CNTN1: variants seen among roughly 807,000 people sequenced by gnomAD.
CNTN1 encodes the protein contactin-1.
A neutral mutation model predicts 126.4 loss-of-function variants in CNTN1; 38 were observed. The ratio of observed to expected loss-of-function variants is 0.30; its 90% CI spans 0.23 to 0.39. The LOEUF (loss-of-function observed/expected upper bound fraction) is 0.39. Among genes scored for constraint, CNTN1 ranks in the 10% least tolerant of loss-of-function variants. The pLI, the probability that CNTN1 is intolerant of heterozygous loss-of-function variation, is 1.00. For synonymous variants in CNTN1, 413 were observed against 422.6 expected, an observed-to-expected ratio of 0.98 and a Z score of 0.28; for missense variants, 1,009 against 1,248.4, an observed-to-expected ratio of 0.81 and a Z score of 2.89.
chr12:40,978,624 T>A (rs1947744086), intron 15 of CNTN1: 1 of 152,156 alleles, frequency 6.6e-6, no homozygotes, highest in Admixed American at 6.6e-5. Flanking sequence ...ATTATAGTGT[T>A]TTGCTCAACA....
At chr12:40,737,649 C>T (rs868522513) in intron 1 of CNTN1, among the ~76,000 whole-genome samples, 44 of 151,958 alleles carry the variant, frequency 2.9e-4, no homozygotes, top group African/African-American at 1.0e-3. Context: ...CTTCCCCAGT[C>T]CACTGACTCA....
At chr12:40,870,763 C>A (rs555141903) in intron 1 of CNTN1, among the ~76,000 whole-genome samples, 1 of 152,116 alleles carries the variant, frequency 6.6e-6, no homozygotes, top group South Asian at 2.1e-4. Context: ...CACACACATA[C>A]CAACCCAAAC....
rs1438299445 is a variant in CNTN1 at position 41,025,236 on chromosome 12, C to G, written c.2610C>G (p.Asn870Lys). ...TSQEYSARLE[N>K]LLPDTQYFIE... ...AAGAGTACTCGGCCAGGCTCGAGAACCTTCTGCCAGACACCCAGTATTTTA... is the reference window on the plus strand; with the variant it reads ...AAGAGTACTCGGCCAGGCTCGAGAAGCTTCTGCCAGACACCCAGTATTTTA... Residue 870 changes from asparagine (N) to lysine (K), a missense_variant, in exon 21 of 24, where the codon AAC becomes AAG. Physicochemically the swap from Asn to Lys is moderately conservative, Grantham distance 94 (BLOSUM62 0). Transcript: ENST00000551295. 1 of 1,613,970 alleles carries G rather than the reference C, an allele frequency of 6.2e-7. No homozygotes were observed. Among genetic ancestry groups the G allele is most frequent in the Non-Finnish European group, 8.5e-7 (1 of 1,179,902 alleles).
At chr12:40,964,190 T>G (rs1304594588) in intron 15 of CNTN1, among the ~76,000 whole-genome samples, 1 of 152,156 alleles carries the variant, frequency 6.6e-6, no homozygotes, top group Non-Finnish European at 1.5e-5. Flanking sequence ...CAATTAAGAT[T>G]ATATCTTATA....
chr12:40,742,146 C>T (rs999527500), intron 1 of CNTN1, among the ~76,000 whole-genome samples: 1 of 151,954 alleles, frequency 6.6e-6, no homozygotes, highest in African/African-American at 2.4e-5. Flanking sequence ...AAATATAACC[C>T]GTGTAACCTA....
chr12:41,009,029 C>A (rs1023749395), intron 17 of CNTN1, among the ~76,000 whole-genome samples: 1 of 152,226 alleles, frequency 6.6e-6, no homozygotes, highest in East Asian at 1.9e-4. Context: ...AGAGTGACTA[C>A]TGCATATCCT....
At chr12:40,800,745 G>A (rs529297621) in intron 1 of CNTN1, among the ~76,000 whole-genome samples, 1 of 152,044 alleles carries the variant, frequency 6.6e-6, no homozygotes, top group African/African-American at 2.4e-5. Context: ...TAGAAAAATA[G>A]GAGCCAGCTA....
chr12:41,010,828 T>A (rs765754336), intron 17 of CNTN1, among the ~76,000 whole-genome samples: 12 of 151,926 alleles, frequency 7.9e-5, no homozygotes, highest in Non-Finnish European at 1.6e-4. Context: ...TCCTTTTCCA[T>A]CCATCTGTGG....
At chr12:41,015,397 C>G (rs1165247061) in intron 18 of CNTN1, among the ~76,000 whole-genome samples, 1 of 152,098 alleles carries the variant, frequency 6.6e-6, no homozygotes, top group Non-Finnish European at 1.5e-5. Flanking sequence ...TCCAAAGATT[C>G]AAATTCAGGT....
chr12:40,765,023 G>C (rs1382732416), intron 1 of CNTN1, among the ~76,000 whole-genome samples: 3 of 151,628 alleles, frequency 2.0e-5, no homozygotes, highest in Non-Finnish European at 4.4e-5. Flanking sequence ...TGAAAATAAT[G>C]TGTTTTTGTA....
chr12:40,843,246 G>C (rs1942360078), intron 1 of CNTN1, among the ~76,000 whole-genome samples: 1 of 152,102 alleles, frequency 6.6e-6, no homozygotes, highest in Admixed American at 6.5e-5. Flanking sequence ...TAAATGGCCA[G>C]TTCAGGTGAT....
chr12:41,001,608 C>G (rs73116971), intron 17 of CNTN1, among the ~76,000 whole-genome samples: 2,184 of 152,248 alleles, frequency 0.014, 19 homozygotes, highest in Middle Eastern at 0.034. Flanking sequence ...TTAATTAGAT[C>G]TAATTTGCCA....
intron 7 of CNTN1, among the ~76,000 whole-genome samples, chr12:40,930,745 C>T (rs17128947): frequency 2.0e-5 from 3 of 151,946 alleles, no homozygotes; most frequent in Non-Finnish European, 2.9e-5. Flanking sequence ...CTGCCTTTAC[C>T]CCTAAGCACA....
intron 23 of CNTN1, among the ~76,000 whole-genome samples, chr12:41,055,803 T>G (rs942626913): frequency 2.6e-5 from 4 of 152,144 alleles, no homozygotes; most frequent in African/African-American, 9.7e-5. Flanking sequence ...TTGGATCATG[T>G]CAATGTACCT....
At chr12:40,694,397 C>A (rs1941393818) in intron 1 of CNTN1, among the ~76,000 whole-genome samples, 1 of 152,186 alleles carries the variant, frequency 6.6e-6, no homozygotes. Flanking sequence ...GACAACCTTT[C>A]CATTTTCACA....
At chr12:40,872,190 T>A (rs1943521373) in intron 1 of CNTN1, among the ~76,000 whole-genome samples, 1 of 148,590 alleles carries the variant, frequency 6.7e-6, no homozygotes, top group Non-Finnish European at 1.5e-5. Flanking sequence ...GAGATTTCGG[T>A]AGGGTTTTTC....
Position 40,767,304 on chromosome 12 carries a change from CTTTTTTTTTT to C in CNTN1, c.-77+74725_-77+74734del, listed in dbSNP as rs10639318. On this transcript the variant is annotated intron_variant, in intron 1 of 23. Transcript: ENST00000551295. Reference sequence around the variant, plus strand: ...ATTATCTTATTTCTGCTGACCTTTCCTTTTTTTTTTTTTTTTTTTTTTGAGACGGAGTCTC... The same window carrying C: ...ATTATCTTATTTCTGCTGACCTTTCCTTTTTTTTTTTTGAGACGGAGTCTC... Among the ~76,000 whole-genome samples, 4 of 89,716 alleles carry C rather than the reference CTTTTTTTTTT, an allele frequency of 4.5e-5. No individual in the cohort carries two copies. In the South Asian group the frequency reaches 1.2e-3, roughly 28 times the overall value. The allele number at this position is 89,716 out of a possible 152,430, so 58.9% of individuals were successfully genotyped here.
At chr12:40,777,327 G>C (rs1225390952) in intron 1 of CNTN1, among the ~76,000 whole-genome samples, 2 of 150,646 alleles carry the variant, frequency 1.3e-5, no homozygotes, top group South Asian at 2.1e-4. Context: ...AAACCTTTCT[G>C]TGTGTATATA....
intron 1 of CNTN1, among the ~76,000 whole-genome samples, chr12:40,717,843 A>C (rs1942087495): frequency 1.3e-5 from 2 of 152,308 alleles, no homozygotes; most frequent in South Asian, 4.1e-4. Context: ...AATTCTCACA[A>C]AACTAGGTTC....
Sources: gnomAD v4.1 joint callset for allele counts (sites outside exome capture counted in the v4.1 genomes callset) on GRCh38, gnomAD v4.1.1 for gene constraint, MANE v1.5 for transcripts, NCBI Gene and HGNC (gene_info 2026-07-23, HGNC 2026-07-21) for gene names.